The following PSMA1 variants were observed in gnomAD, a reference collection of about 807,000 sequenced individuals.
The protein encoded by PSMA1 is proteasome subunit alpha type-1.
A neutral mutation model predicts 38.4 loss-of-function variants in PSMA1; 3 were observed. The observed-to-expected ratio is 0.08, with a 90% CI of 0.04 to 0.20. PSMA1 has a LOEUF of 0.20. PSMA1 is among the 10% of genes least tolerant of loss of function. The pLI, the probability that PSMA1 is intolerant of heterozygous loss-of-function variation, is 1.00. For synonymous variants in PSMA1, 101 were observed against 107.1 expected, an observed-to-expected ratio of 0.94 and a Z score of 0.35; for missense variants, 227 against 325.3, an observed-to-expected ratio of 0.70 and a Z score of 2.32.
At chr11:14,523,429 C>A (rs1565036047), upstream of PSMA1, among the ~76,000 whole-genome samples, 1 of 152,028 alleles carries the variant, frequency 6.6e-6, no homozygotes, top group South Asian at 2.1e-4. Flanking sequence ...CACCACCATA[C>A]CTGGCTAATT....
intron 4 of PSMA1, among the ~76,000 whole-genome samples, chr11:14,515,050 A>C (rs1221994536): frequency 6.6e-6 from 1 of 152,232 alleles, no homozygotes; most frequent in Non-Finnish European, 1.5e-5. Context: ...AAGCAAGGTT[A>C]ACATTGGGGA....
chr11:14,592,392 A>G (rs920392464), intron 2 of PSMA1, among the ~76,000 whole-genome samples: 4 of 140,816 alleles, frequency 2.8e-5, no homozygotes, highest in African/African-American at 8.3e-5. Context: ...ATATATATAT[A>G]TATTTTTTTT....
chr11:14,532,521 C>T (rs1851658759), intron 2 of PSMA1, among the ~76,000 whole-genome samples: 1 of 151,628 alleles, frequency 6.6e-6, no homozygotes, highest in African/African-American at 2.4e-5. Context: ...AGAAGAATTG[C>T]TTGAACCTGG....
At chr11:14,521,160 T>G (rs1171250295), upstream of PSMA1, among the ~76,000 whole-genome samples, 2 of 39,788 alleles carry the variant, frequency 5.0e-5, no homozygotes, top group East Asian at 1.7e-3. Flanking sequence ...GCTATTTATA[T>G]TCTTTGTAAA....
At chr11:14,585,713 C>A (rs537683243) in intron 2 of PSMA1, among the ~76,000 whole-genome samples, 156 of 152,320 alleles carry the variant, frequency 1.0e-3, no homozygotes, top group African/African-American at 3.6e-3. Flanking sequence ...TTATCCCATT[C>A]TCTGTTCTGC....
At chr11:14,531,723 G>C (rs1851649758) in intron 2 of PSMA1, among the ~76,000 whole-genome samples, 1 of 152,086 alleles carries the variant, frequency 6.6e-6, no homozygotes, top group African/African-American at 2.4e-5. Context: ...ACCTCCCAAA[G>C]TGCTGGGATT....
chr11:14,518,024 T>C, intron 2 of PSMA1, 43 bp from the exon 3 acceptor site: 1 of 1,374,220 alleles, frequency 7.3e-7, no homozygotes, highest in Non-Finnish European at 1.0e-6. Flanking sequence ...TAGAAGATCT[T>C]TTATAAATTA....
At chr11:14,604,433 C>T (rs1021079990) in intron 2 of PSMA1, among the ~76,000 whole-genome samples, 1 of 152,070 alleles carries the variant, frequency 6.6e-6, no homozygotes, top group Non-Finnish European at 1.5e-5. Context: ...CTTTCTAGGG[C>T]CCCAATGCAA....
intron 7 of PSMA1, among the ~76,000 whole-genome samples, chr11:14,512,329 G>A (rs182755343): frequency 2.1e-4 from 32 of 151,806 alleles, no homozygotes; most frequent in Middle Eastern, 3.4e-3. Flanking sequence ...AGCCGAGATC[G>A]CGCCATTGCA....
intron 2 of PSMA1, among the ~76,000 whole-genome samples, chr11:14,592,305 T>G (rs999064310): frequency 1.3e-5 from 2 of 151,812 alleles, no homozygotes; most frequent in Non-Finnish European, 2.9e-5. Flanking sequence ...TCCTCGTCCC[T>G]TCTACCCGCT....
At chr11:14,527,595 C>T (rs190298161) in intron 2 of PSMA1, among the ~76,000 whole-genome samples, 4 of 152,154 alleles carry the variant, frequency 2.6e-5, no homozygotes, top group East Asian at 3.8e-4. Flanking sequence ...GATTTGCCCC[C>T]GCCCAGGACT....
upstream of PSMA1, among the ~76,000 whole-genome samples, chr11:14,521,047 C>T (rs575721105): frequency 9.3e-5 from 14 of 150,314 alleles, no homozygotes; most frequent in South Asian, 3.0e-3. Flanking sequence ...AGCATGGTAC[C>T]TGACAGATTA....
intron 2 of PSMA1, among the ~76,000 whole-genome samples, chr11:14,600,672 G>A (rs1373529175): frequency 6.6e-6 from 1 of 152,220 alleles, no homozygotes; most frequent in Non-Finnish European, 1.5e-5. Flanking sequence ...CTAGGAAAGG[G>A]AAATCCCCTG....
intron 7 of PSMA1, among the ~76,000 whole-genome samples, chr11:14,512,386 A>G (rs1355810398): frequency 2.0e-5 from 3 of 152,148 alleles, no homozygotes; most frequent in Non-Finnish European, 2.9e-5. Flanking sequence ...GGAAAAAAAA[A>G]AAAAGAATTA....
At chr11:14,575,703 A>G (rs1852204871) in intron 2 of PSMA1, among the ~76,000 whole-genome samples, 1 of 152,164 alleles carries the variant, frequency 6.6e-6, no homozygotes, top group South Asian at 2.1e-4. Context: ...TATTGTGAAT[A>G]GTGCCGCAAT....
intron 2 of PSMA1, among the ~76,000 whole-genome samples, chr11:14,572,753 C>G (rs940925946): frequency 6.6e-6 from 1 of 150,956 alleles, no homozygotes; most frequent in Admixed American, 6.6e-5. Flanking sequence ...ATCAACAAAA[C>G]TGATAGACTG....
chr11:14,542,910 C>T (rs923328558), intron 2 of PSMA1, among the ~76,000 whole-genome samples: 3 of 152,174 alleles, frequency 2.0e-5, no homozygotes, highest in Non-Finnish European at 4.4e-5. Flanking sequence ...GGCTGGAGTG[C>T]CGCGGCAAGA....
chr11:14,553,268 T>C (rs1219493586), intron 2 of PSMA1, among the ~76,000 whole-genome samples: 1 of 152,206 alleles, frequency 6.6e-6, no homozygotes, highest in Non-Finnish European at 1.5e-5. Context: ...ATAACTATAG[T>C]ACAATATTAA....
Position 14,517,653 on chromosome 11 carries a change from A to G in PSMA1, c.243T>C (p.Ala81=). ...GISIAGLTAD[A]RLLCNFMRQE... ...ATGATTATACTTACCATAACAGTCTAGCATCAGCAGTAAGCCCCGCAATTG... is the reference window on the plus strand; with the variant it reads ...ATGATTATACTTACCATAACAGTCTGGCATCAGCAGTAAGCCCCGCAATTG... Residue 81 remains alanine, a synonymous_variant, in exon 4 of 10, where the codon GCT becomes GCC. Transcript: ENST00000396394. The G allele has an allele frequency of 1.3e-6, 2 of 1,588,876 alleles. No homozygotes were observed. Among genetic ancestry groups the G allele is most frequent in the Non-Finnish European group, 8.5e-7 (1 of 1,170,438 alleles).
Sources: gnomAD v4.1 joint callset for allele counts (sites outside exome capture counted in the v4.1 genomes callset) on GRCh38, gnomAD v4.1.1 for gene constraint, MANE v1.5 for transcripts, NCBI Gene and HGNC (gene_info 2026-07-23, HGNC 2026-07-21) for gene names.